The following CHD5 variants were observed in gnomAD, a reference collection of about 807,000 sequenced individuals.
The protein encoded by CHD5 is chromodomain helicase DNA binding protein 5.
In CHD5, 69 loss-of-function variants were observed where a neutral mutation model predicts 230.3. The ratio of observed to expected loss-of-function variants is 0.30; its 90% CI spans 0.25 to 0.37. The LOEUF (loss-of-function observed/expected upper bound fraction) is 0.37, where lower values mean the gene tolerates loss of function less well. Ranked by LOEUF, CHD5 falls within the 10% of genes least tolerant of loss-of-function variation. The pLI is 1.00. For missense variants in CHD5, 1,827 were observed against 2,622.8 expected, an observed-to-expected ratio of 0.70 and a Z score of 6.63; for synonymous variants, 1,064 against 1,065.9, an observed-to-expected ratio of 1.00 and a Z score of 0.03.
At position 6,106,384 on chromosome 1, in the gene CHD5, C is replaced by T. The variant is rs745723594; in HGVS notation, c.5857+11G>A. On this transcript the variant is annotated intron_variant, in intron 40 of 41. Coordinates refer to ENST00000262450, the MANE Select transcript of CHD5 (RefSeq NM_015557.3). ...CCGTGTGCATGCTGCCCGGAGCGGA[C>T]GGGCACCTACCGGTCACATAGGGCC... 6 of 1,605,304 alleles carry T rather than the reference C, an allele frequency of 3.7e-6. No homozygotes were observed. In the East Asian group the frequency reaches 6.8e-5, roughly 18 times the overall value.
intron 25 of CHD5, among the ~76,000 whole-genome samples, chr1:6,127,635 G>C (rs1207440401): frequency 6.6e-6 from 1 of 152,206 alleles, no homozygotes; most frequent in African/African-American, 2.4e-5. Context: ...TGTGCAACGG[G>C]GTGGCAGATC....
rs1472780991 is a variant in CHD5 at position 6,155,241 on chromosome 1, G to T, written c.507-343C>A. ...TGGTGATTTTCTCATTGGGTTTTCAGGCCCTGCAAGACTTGTGGGGCCACA... is the reference window on the plus strand; with the variant it reads ...TGGTGATTTTCTCATTGGGTTTTCATGCCCTGCAAGACTTGTGGGGCCACA... On this transcript the variant is annotated intron_variant, in intron 4 of 41. Coordinates refer to ENST00000262450, the MANE Select transcript of CHD5 (RefSeq NM_015557.3). The surrounding 1 kb of genome is among the most constrained non-coding windows in gnomAD (Gnocchi z 4.0). Among the ~76,000 whole-genome samples, 1 of 152,042 alleles carries T rather than the reference G, an allele frequency of 6.6e-6. No homozygotes were observed. Among genetic ancestry groups the T allele is most frequent in the Non-Finnish European group, 1.5e-5 (1 of 68,022 alleles).
rs78240770 is a variant in CHD5 at position 6,102,050 on chromosome 1, G to A, written c.*3424C>T. The A allele has an allele frequency of 6.6e-4, 261 of 396,730 alleles. 1 individual carries two copies. Among genetic ancestry groups the A allele is most frequent in the African/African-American group, 5.0e-3 (224 of 44,378 alleles). The allele number at this position is 396,730 out of a possible 1,614,324, so 24.6% of individuals were successfully genotyped here. On this transcript the variant is annotated 3_prime_UTR_variant, in exon 42 of 42. Transcript: ENST00000262450. Reference sequence around the variant, plus strand: ...GCCTGGGGCTGTGCCTGGGGAAAGGGGTCGGCCCCCTCTTAGCTGGGCCTG... The same window carrying A: ...GCCTGGGGCTGTGCCTGGGGAAAGGAGTCGGCCCCCTCTTAGCTGGGCCTG...
At chr1:6,150,839 C>G (rs921026723) in intron 7 of CHD5, among the ~76,000 whole-genome samples, 193 bp downstream of exon 7, 33 of 152,156 alleles carry the variant, frequency 2.2e-4, no homozygotes, top group African/African-American at 8.0e-4. Context: ...ACAGTAGAAA[C>G]CAGGGCCGTG....
At chr1:6,179,819 C>G in intron 1 of CHD5, 126 bp downstream of exon 1, 3 of 276,578 alleles carry the variant, frequency 1.1e-5, no homozygotes, top group Non-Finnish European at 1.6e-5. Context: ...GCCCCGCAAC[C>G]CGGGTGCCCC....
rs1163477031 is a variant in CHD5, at chr1:6,134,413, C to T, written c.3013-154G>A. ...AGACCCACACCCGAGCCAGGCCAGGCCCCACAGTGCGGGGTAGACCGTGGG... is the reference window on the plus strand; with the variant it reads ...AGACCCACACCCGAGCCAGGCCAGGTCCCACAGTGCGGGGTAGACCGTGGG... On this transcript the variant is annotated intron_variant, in intron 19 of 41. Coordinates refer to ENST00000262450, the MANE Select transcript of CHD5 (RefSeq NM_015557.3). The surrounding 1 kb of genome is among the most constrained non-coding windows in gnomAD (Gnocchi z 6.3). Among the ~76,000 whole-genome samples, 1 of 152,178 alleles carries T rather than the reference C, an allele frequency of 6.6e-6. No homozygotes were observed. The highest frequency in any genetic ancestry group is 1.5e-5 in the Non-Finnish European group (1 of 68,004).
At chr1:6,157,433 A>G (rs1420218473) in intron 3 of CHD5, among the ~76,000 whole-genome samples, 1 of 152,250 alleles carries the variant, frequency 6.6e-6, no homozygotes, top group Non-Finnish European at 1.5e-5. Context: ...GCAAAGAGAC[A>G]GCCTCTGATA....
intron 11 of CHD5, among the ~76,000 whole-genome samples, chr1:6,144,413 C>T (rs1002649759): frequency 6.6e-6 from 1 of 152,204 alleles, no homozygotes; most frequent in African/African-American, 2.4e-5. Flanking sequence ...AATGAGCCAG[C>T]CTCCCACATC....
At chr1:6,143,694 C>T in intron 13 of CHD5, 129 bp downstream of exon 13, 1 of 795,620 alleles carries the variant, frequency 1.3e-6, no homozygotes, top group East Asian at 2.6e-5. Flanking sequence ...ATGGGCATGA[C>T]ACTGTCTGCA....
Position 6,105,944 on chromosome 1 carries a change from T to A in CHD5, c.*46+290A>T, listed in dbSNP as rs1666156137. 6.6e-6 allele frequency among the ~76,000 whole-genome samples: 1 copy of A among 151,684 alleles called. No homozygotes were observed. The highest frequency in any genetic ancestry group is 2.4e-5 in the African/African-American group (1 of 41,232). On this transcript the variant is annotated intron_variant, in intron 41 of 41. Transcript: ENST00000262450. This position sits in a 1 kb window ranked among gnomAD's most constrained non-coding sequence, Gnocchi z 4.8. ...CTTCCGCTGGGAACATGTGTGCAAA[T>A]GAGAACACATGTGCACACACAGGAG...
At chr1:6,158,395 G>A (rs541792608) in intron 3 of CHD5, among the ~76,000 whole-genome samples, 1 of 152,354 alleles carries the variant, frequency 6.6e-6, no homozygotes, top group African/African-American at 2.4e-5. Flanking sequence ...AAGCTGTCCA[G>A]CACTTCTTGT....
Position 6,128,472 on chromosome 1 carries a change from C to A in CHD5, c.3730+27G>T, listed in dbSNP as rs201971926. The stretch of plus-strand genomic sequence containing the variant: ...AGCAGCCACCTGGTCGGAGGAGGAG[C>A]TGAGGCTGGGCTGGGTTGGCCCCTA... On this transcript the variant is annotated intron_variant, in intron 24 of 41. Transcript: ENST00000262450. This position sits in a 1 kb window ranked among gnomAD's most constrained non-coding sequence, Gnocchi z 7.8. 2.7e-3 allele frequency: 4,253 copies of A among 1,561,412 alleles called. 7 individuals are homozygous for A. The highest frequency in any genetic ancestry group is 3.6e-3 in the Admixed American group (214 of 59,664).
chr1:6,169,300 TG>T (rs1489245556), intron 1 of CHD5, among the ~76,000 whole-genome samples: 1 of 152,184 alleles, frequency 6.6e-6, no homozygotes, highest in Non-Finnish European at 1.5e-5. Context: ...ACTAGAAAGC[TG>T]TGACAGTCCA....
Position 6,131,826 on chromosome 1 carries a change from G to T in CHD5, c.3145-78C>A. The T allele has an allele frequency of 1.2e-6, 1 of 844,824 alleles. No individual in the cohort carries two copies. Among genetic ancestry groups the T allele is most frequent in the Non-Finnish European group, 2.0e-6 (1 of 502,888 alleles). The allele number at this position is 844,824 out of a possible 1,614,324, so 52.3% of individuals were successfully genotyped here. On this transcript the variant is annotated intron_variant, in intron 20 of 41. Transcript: ENST00000262450. The surrounding 1 kb of genome is among the most constrained non-coding windows in gnomAD (Gnocchi z 5.0). ...GGCCATGGGCGGGGACCCCGCCACAGGCAGGGGAGGAGAGAGCTGCCTGCT... is the reference window on the plus strand; with the variant it reads ...GGCCATGGGCGGGGACCCCGCCACATGCAGGGGAGGAGAGAGCTGCCTGCT...
chr1:6,107,548 TAATGAAGG>T (rs1666206041), intron 38 of CHD5, among the ~76,000 whole-genome samples: 3 of 112,612 alleles, frequency 2.7e-5, no homozygotes, highest in African/African-American at 3.3e-5. Context: ...GATGGAGGGA[TAATGAAGG>T]GATGATGGAG....
At position 6,111,888 on chromosome 1, in the gene CHD5, GA is replaced by G; in HGVS notation, c.5141-6del. 19 of 1,612,272 alleles carry G rather than the reference GA, an allele frequency of 1.2e-5. No homozygotes were observed. Among genetic ancestry groups the G allele is most frequent in the Non-Finnish European group, 1.6e-5 (19 of 1,179,306 alleles). On this transcript the variant is annotated splice_region_variant and splice_polypyrimidine_tract_variant and intron_variant, in intron 35 of 41. Transcript: ENST00000262450. ...TCTGCCACAGCGTGTGCAACTCTGGGAAACAAGCCAAGGTGAGCAGGGTGAG... is the reference window on the plus strand; with the variant it reads ...TCTGCCACAGCGTGTGCAACTCTGGGAACAAGCCAAGGTGAGCAGGGTGAG...
chr1:6,139,880 GC>G (rs1470410902), intron 15 of CHD5, among the ~76,000 whole-genome samples: 1 of 152,152 alleles, frequency 6.6e-6, no homozygotes, highest in Non-Finnish European at 1.5e-5. Flanking sequence ...TGATCCAGGG[GC>G]TCATCCATCT....
At chr1:6,163,838 T>A (rs142745885) in intron 2 of CHD5, among the ~76,000 whole-genome samples, 54 of 152,332 alleles carry the variant, frequency 3.5e-4, no homozygotes, top group East Asian at 1.9e-3. Context: ...AAGATACAGA[T>A]GACAGTTGGC....
At chr1:6,137,302 TC>T (rs1666761319) in intron 15 of CHD5, among the ~76,000 whole-genome samples, 1 of 152,194 alleles carries the variant, frequency 6.6e-6, no homozygotes, top group Non-Finnish European at 1.5e-5. Flanking sequence ...AGACAGGGTT[TC>T]ACCATGTTGC....
Sources: gnomAD v4.1 joint callset for allele counts (sites outside exome capture counted in the v4.1 genomes callset) on GRCh38, gnomAD v4.1.1 for gene constraint, Gnocchi (gnomAD v3.1) non-coding constraint, MANE v1.5 for transcripts, NCBI Gene and HGNC (gene_info 2026-07-23, HGNC 2026-07-21) for gene names.